ZZZ3: variants seen among roughly 807,000 people sequenced by gnomAD.
ZZZ3 encodes ZZ-type zinc finger-containing protein 3.
In ZZZ3, 22 loss-of-function variants were observed where a neutral mutation model predicts 95.2. That is an observed-to-expected ratio of 0.23 (90% CI 0.17 to 0.33). The LOEUF (loss-of-function observed/expected upper bound fraction) is 0.33. Ranked by LOEUF, ZZZ3 falls within the 10% of genes least tolerant of loss-of-function variation. ZZZ3 has a pLI of 1.00. For missense variants in ZZZ3, 885 were observed against 1,066.5 expected (o/e 0.83, Z 2.37); for synonymous variants, 335 against 358.9 (o/e 0.93, Z 0.75).
chr1:77,583,365 A>T (rs947262133), intron 6 of ZZZ3, among the ~76,000 whole-genome samples: 20 of 152,152 alleles, frequency 1.3e-4, no homozygotes, highest in Admixed American at 1.3e-3. Flanking sequence ...TATAAGTCTT[A>T]TATCTTTTTG....
At chr1:77,659,685 C>CAAAAAAAAA (rs573522172) in intron 1 of ZZZ3, among the ~76,000 whole-genome samples, 2 of 53,268 alleles carry the variant, frequency 3.8e-5, no homozygotes, top group Non-Finnish European at 7.6e-5. Context: ...GACTCCATCT[C>CAAAAAAAAA]AAAAAAAAAA....
intron 5 of ZZZ3, among the ~76,000 whole-genome samples, chr1:77,587,881 T>C (rs1409196038): frequency 1.3e-5 from 2 of 152,218 alleles, no homozygotes; most frequent in East Asian, 1.9e-4. Context: ...GTGAATACTT[T>C]TAGGTTGGTC....
intron 12 of ZZZ3, among the ~76,000 whole-genome samples, chr1:77,569,102 C>T (rs771108305): frequency 1.5e-4 from 23 of 152,118 alleles, no homozygotes; most frequent in Non-Finnish European, 2.6e-4. Flanking sequence ...TTTGGGAGGC[C>T]GAGGTGGACG....
chr1:77,578,722 T>A (rs1409823165), intron 11 of ZZZ3, 52 bp downstream of exon 11: 7 of 1,083,038 alleles, frequency 6.5e-6, no homozygotes, highest in Non-Finnish European at 8.9e-6. Flanking sequence ...ACATAGCAAT[T>A]CTTACTTTAA....
chr1:77,581,040 G>C lies in ZZZ3; in HGVS notation c.1938C>G (p.Thr646=). ...QMIRGRLCDD[T]KPETFNQLWT... ...ACAACTGGTTAAATGTTTCAGGTTT[G>C]GTATCATCACACAAGCGTCCTCTTA... is the stretch of plus-strand genomic sequence containing the variant. Residue 646 remains threonine (T), a synonymous_variant, in exon 9 of 15, where the codon ACC becomes ACG. Coordinates refer to ENST00000370801, the MANE Select transcript of ZZZ3 (RefSeq NM_015534.6). The C allele has an allele frequency of 6.2e-7, 1 of 1,614,026 alleles. No homozygotes were observed. The highest frequency in any genetic ancestry group is 8.5e-7 in the Non-Finnish European group (1 of 1,179,976).
In ZZZ3 at chr1:77,568,388, G is replaced by C. The variant is rs1049251693; in HGVS notation, c.2410C>G (p.Gln804Glu). The C allele has an allele frequency of 1.3e-6, 2 of 1,593,220 alleles. No homozygotes were observed. The highest frequency in any genetic ancestry group is 1.4e-5 in the African/African-American group (1 of 72,784). ...ELLQFKKLKK[Q>E]KLQQMQAESG... ...TCAGCTTGCATTTGCTGAAGTTTCTGCTTCTTTAACTTTTTAAACTGTAAT... is the reference window on the plus strand; with the variant it reads ...TCAGCTTGCATTTGCTGAAGTTTCTCCTTCTTTAACTTTTTAAACTGTAAT... The change falls in exon 13 of 15, where the codon CAG becomes GAG. Residue 804 changes from glutamine (Q) to glutamate (E), a missense_variant. Around this residue, in one of 5 missense-constraint regions of ZZZ3, gnomAD observed 221 missense variants for 247.8 expected, o/e 0.89. Coordinates refer to ENST00000370801, the MANE Select transcript of ZZZ3 (RefSeq NM_015534.6).
intron 1 of ZZZ3, among the ~76,000 whole-genome samples, chr1:77,652,914 G>A (rs1669937285): frequency 6.6e-6 from 1 of 152,150 alleles, no homozygotes; most frequent in African/African-American, 2.4e-5. Context: ...AGGTGCAGTG[G>A]TTCACACCTG....
At chr1:77,584,878 A>C (rs935174073) in intron 5 of ZZZ3, 8 of 317,530 alleles carry the variant, frequency 2.5e-5, no homozygotes, top group Non-Finnish European at 4.5e-5. Context: ...CCCCCATCTT[A>C]AGTTTTTAAT....
intron 1 of ZZZ3, among the ~76,000 whole-genome samples, chr1:77,651,980 C>A (rs370076162): frequency 8.0e-5 from 12 of 149,242 alleles, no homozygotes; most frequent in African/African-American, 3.0e-4. Context: ...TACACCACTG[C>A]ACTCCAGTCT....
At position 77,564,767 on chromosome 1, in the gene ZZZ3, CCATA is replaced by C. The variant is rs1048746858; in HGVS notation, c.*869_*872del. On this transcript the variant is annotated 3_prime_UTR_variant, in exon 15 of 15. Transcript: ENST00000370801. ...AGACTACAAAAGAGGGAAATTATTA[CCATA>C]TATATGATTTTTATATTAGGCAGTT... is the stretch of plus-strand genomic sequence containing the variant. The C allele has an allele frequency of 5.9e-5, 9 of 152,444 alleles. No homozygotes were observed. The highest frequency in any genetic ancestry group is 7.4e-5 in the Non-Finnish European group (5 of 68,006). The allele number at this position is 152,444 out of a possible 1,614,324, so 9.4% of individuals were successfully genotyped here.
Position 77,632,147 on chromosome 1 carries a change from C to T in ZZZ3, c.1208G>A (p.Gly403Glu), listed in dbSNP as rs375490144. The T allele has an allele frequency of 8.7e-6, 14 of 1,614,068 alleles. No homozygotes were observed. Among genetic ancestry groups the T allele is most frequent in the Non-Finnish European group, 1.1e-5 (13 of 1,180,000 alleles). ...TKNSSPYREN[G>E]QFEENNLSPN... The stretch of plus-strand genomic sequence containing the variant: ...ACTAAGATTATTCTCCTCAAATTGT[C>T]CATTTTCTCTGTAAGGAGAACTGTT... The change falls in exon 5 of 15, where the codon GGA (glycine) becomes GAA (glutamate). Residue 403 changes from glycine (G) to glutamate (E), a missense_variant. Around this residue, in one of 5 missense-constraint regions of ZZZ3, gnomAD observed 556 missense variants for 652.9 expected, o/e 0.85. Coordinates refer to ENST00000370801, the MANE Select transcript of ZZZ3 (RefSeq NM_015534.6).
At chr1:77,612,981 T>C (rs1665957679) in intron 5 of ZZZ3, among the ~76,000 whole-genome samples, 1 of 152,070 alleles carries the variant, frequency 6.6e-6, no homozygotes, top group Non-Finnish European at 1.5e-5. Flanking sequence ...ATGATAGATA[T>C]GTTAATGTGC....
At chr1:77,591,486 C>A (rs1450105316) in intron 5 of ZZZ3, among the ~76,000 whole-genome samples, 1 of 152,104 alleles carries the variant, frequency 6.6e-6, no homozygotes, top group Non-Finnish European at 1.5e-5. Flanking sequence ...GGACTACAGG[C>A]GCATAGCACC....
chr1:77,622,370 C>CAAAAA (rs200681261), intron 5 of ZZZ3, among the ~76,000 whole-genome samples: 1 of 55,422 alleles, frequency 1.8e-5, no homozygotes, highest in Non-Finnish European at 3.6e-5. Context: ...TGAAAAATAG[C>CAAAAA]AAAAAAAAAA....
At chr1:77,593,229 G>A (rs1663889960) in intron 5 of ZZZ3, among the ~76,000 whole-genome samples, 1 of 152,158 alleles carries the variant, frequency 6.6e-6, no homozygotes, top group Non-Finnish European at 1.5e-5. Flanking sequence ...AGTTGAAGAT[G>A]TACATACCCT....
In ZZZ3 at chr1:77,562,447, C is replaced by T. The variant is rs1239492800; in HGVS notation, c.*3193G>A. 1.3e-5 allele frequency: 2 copies of T among 152,178 alleles called. No homozygotes were observed. The highest frequency in any genetic ancestry group is 1.5e-5 in the Non-Finnish European group (1 of 68,020). 9.4% of individuals were successfully genotyped at this position (152,178 alleles called of 1,614,324 possible). ...ATAAGAAATAGTTTTATATAGCACA[C>T]AACACATATTTATGATTGAAAAAGA... On this transcript the variant is annotated 3_prime_UTR_variant, in exon 15 of 15. Coordinates refer to ENST00000370801, the MANE Select transcript of ZZZ3 (RefSeq NM_015534.6).
chr1:77,650,263 G>A (rs1262305332), intron 1 of ZZZ3, among the ~76,000 whole-genome samples: 1 of 152,098 alleles, frequency 6.6e-6, no homozygotes, highest in African/African-American at 2.4e-5. Context: ...ATAGCAAGGT[G>A]ACAGATTTAA....
chr1:77,671,696 C>T (rs999814436), intron 1 of ZZZ3, among the ~76,000 whole-genome samples: 3 of 152,140 alleles, frequency 2.0e-5, no homozygotes, highest in Admixed American at 1.3e-4. Flanking sequence ...ATCTGGCCCA[C>T]AGCAAATATC....
chr1:77,631,866 G>C lies in ZZZ3; in HGVS notation c.1489C>G (p.Leu497Val). 1 of 1,591,912 alleles carries C rather than the reference G, an allele frequency of 6.3e-7. No individual in the cohort carries two copies. Among genetic ancestry groups the C allele is most frequent in the Non-Finnish European group, 8.6e-7 (1 of 1,167,972 alleles). Reference sequence around the variant, plus strand: ...TACACATACTCTTTGTTGTGTTTCAGTGCCACATGATCTGATTCAAAGTAA... The same window carrying C: ...TACACATACTCTTTGTTGTGTTTCACTGCCACATGATCTGATTCAAAGTAA... Reference protein sequence around the residue: ...VYYFESDHVALKHNKDYQRLL... With the variant: ...VYYFESDHVAVKHNKDYQRLL... Residue 497 changes from leucine (L) to valine (V), a missense_variant, in exon 5 of 15, where the codon CTG (leucine) becomes GTG (valine). Leu to Val is a conservative substitution (Grantham distance 32, BLOSUM62 1). Around this residue, in one of 5 missense-constraint regions of ZZZ3, gnomAD observed 556 missense variants for 652.9 expected, o/e 0.85. Transcript: ENST00000370801.
Sources: gnomAD v4.1 joint callset for allele counts (sites outside exome capture counted in the v4.1 genomes callset) on GRCh38, gnomAD v4.1.1 for gene constraint, gnomAD v4.1.1 regional missense constraint, MANE v1.5 for transcripts, NCBI Gene and HGNC (gene_info 2026-07-23, HGNC 2026-07-21) for gene names.